Variants in GRHL2 observed in about 807,000 individuals in gnomAD.
The protein encoded by GRHL2 is grainyhead-like protein 2 homolog.
In GRHL2, 21 loss-of-function variants were observed where a neutral mutation model predicts 83.8. That is an observed-to-expected ratio of 0.25 (90% CI 0.18 to 0.36). The LOEUF (loss-of-function observed/expected upper bound fraction) is 0.36. GRHL2 is among the 10% of genes least tolerant of loss of function. The pLI, the probability that GRHL2 is intolerant of heterozygous loss-of-function variation, is 1.00. For missense variants in GRHL2, 623 were observed against 781.8 expected (o/e 0.80, Z 2.42); for synonymous variants, 280 against 278.9 (o/e 1.00, Z -0.04).
chr8:101,570,269 C>A, intron 4 of GRHL2, 70 bp from the exon 5 acceptor site: 2 of 1,140,876 alleles, frequency 1.8e-6, no homozygotes, highest in Non-Finnish European at 2.7e-6. Context: ...AGTTTGGATA[C>A]ATTTATTATT....
intron 7 of GRHL2, among the ~76,000 whole-genome samples, chr8:101,594,954 A>G (rs1812361322): frequency 6.6e-6 from 1 of 152,242 alleles, no homozygotes; most frequent in Non-Finnish European, 1.5e-5. Context: ...ATACAAGGTA[A>G]TGGAACCACC....
At chr8:101,578,362 G>A (rs1415570134) in intron 7 of GRHL2, among the ~76,000 whole-genome samples, 3 of 152,120 alleles carry the variant, frequency 2.0e-5, no homozygotes, top group Non-Finnish European at 2.9e-5. Flanking sequence ...AGTGCCAAGA[G>A]GGAGGAGAAG....
chr8:101,578,132 A>G (rs16867846), intron 7 of GRHL2, among the ~76,000 whole-genome samples: 45,155 of 152,068 alleles, frequency 0.3, 6,824 homozygotes, highest in South Asian at 0.44. Flanking sequence ...CTGGAAGGCA[A>G]CACTCATGCC....
Position 101,667,705 on chromosome 8 carries a change from A to AC in GRHL2, c.*1006dup, listed in dbSNP as rs1461473938. ...CGTGGGAAAGGTCATTCTGTCTGAGACCCCAGCTCCTTCTCCAGCTTTGGC... is the reference window on the plus strand; with the variant it reads ...CGTGGGAAAGGTCATTCTGTCTGAGACCCCCAGCTCCTTCTCCAGCTTTGGC... On this transcript the variant is annotated 3_prime_UTR_variant, in exon 16 of 16. Coordinates refer to ENST00000646743, the MANE Select transcript of GRHL2 (RefSeq NM_024915.4). The AC allele has an allele frequency of 1.3e-5, 2 of 152,494 alleles. No homozygotes were observed. The highest frequency in any genetic ancestry group is 3.9e-4 in the East Asian group (2 of 5,178). 9.4% of individuals were successfully genotyped at this position (152,494 alleles called of 1,614,324 possible). A position where few individuals can be genotyped will look rare whatever the true frequency, so the allele number is the denominator to read the frequency against.
intron 8 of GRHL2, among the ~76,000 whole-genome samples, chr8:101,612,981 G>A (rs570835972): frequency 2.6e-5 from 4 of 150,970 alleles, no homozygotes; most frequent in Admixed American, 2.6e-4. Context: ...CTGTGCCACT[G>A]GTCAGGGGCC....
chr8:101,565,327 T>C (rs186974874), intron 4 of GRHL2, among the ~76,000 whole-genome samples: 1 of 152,296 alleles, frequency 6.6e-6, no homozygotes, highest in Admixed American at 6.5e-5. Context: ...ATAATCATAA[T>C]AAATCAAAAT....
chr8:101,532,341 A>AT (rs1174188117), intron 1 of GRHL2, among the ~76,000 whole-genome samples: 2 of 152,158 alleles, frequency 1.3e-5, no homozygotes, highest in Admixed American at 6.5e-5. Context: ...GAATATGGTC[A>AT]TTTTTCTGCT....
chr8:101,618,301 C>A (rs368831701), intron 8 of GRHL2, among the ~76,000 whole-genome samples: 2 of 152,068 alleles, frequency 1.3e-5, no homozygotes, highest in East Asian at 3.8e-4. Context: ...ATTTTTAGTT[C>A]TTTTGTTGGT....
At chr8:101,648,543 C>A (rs1292150438) in intron 13 of GRHL2, among the ~76,000 whole-genome samples, 1 of 152,112 alleles carries the variant, frequency 6.6e-6, no homozygotes, top group African/African-American at 2.4e-5. Context: ...CTCTGCGAGG[C>A]AGATGTTATT....
chr8:101,546,390 C>A (rs779473615), intron 2 of GRHL2, among the ~76,000 whole-genome samples: 2 of 150,946 alleles, frequency 1.3e-5, no homozygotes, highest in Non-Finnish European at 2.9e-5. Flanking sequence ...AGAAGCATAT[C>A]CTGAAACAAA....
At chr8:101,644,586 T>C (rs117937767) in intron 13 of GRHL2, among the ~76,000 whole-genome samples, 1,765 of 152,292 alleles carry the variant, frequency 0.012, 12 homozygotes, top group Middle Eastern at 0.024. Context: ...AAACTATTCA[T>C]CTCACCCAAA....
chr8:101,617,796 C>T (rs534396808), intron 8 of GRHL2, among the ~76,000 whole-genome samples: 11 of 152,248 alleles, frequency 7.2e-5, no homozygotes, highest in Admixed American at 1.3e-4. Context: ...TGAGCCACCA[C>T]GCCCGGCTGA....
chr8:101,652,336 TGTGTATG>T (rs1813645924), intron 14 of GRHL2, among the ~76,000 whole-genome samples: 1 of 103,130 alleles, frequency 9.7e-6, no homozygotes, highest in Non-Finnish European at 1.8e-5. Flanking sequence ...GTGTGGTGTG[TGTGTATG>T]TGTGTGGTGT....
At chr8:101,604,320 G>A (rs533331752) in intron 8 of GRHL2, among the ~76,000 whole-genome samples, 1 of 152,284 alleles carries the variant, frequency 6.6e-6, no homozygotes, top group South Asian at 2.1e-4. Context: ...CTGGCACCGA[G>A]CACTGCCTTT....
intron 9 of GRHL2, among the ~76,000 whole-genome samples, chr8:101,625,631 G>A (rs972800280): frequency 1.3e-5 from 2 of 151,970 alleles, no homozygotes; most frequent in Non-Finnish European, 2.9e-5. Context: ...TAAATGGTTG[G>A]GAGAACCACT....
chr8:101,623,791 GACAGTACACAGTAGGACAGTTT>G (rs1262629857), intron 9 of GRHL2, among the ~76,000 whole-genome samples: 2 of 150,990 alleles, frequency 1.3e-5, no homozygotes, highest in African/African-American at 4.9e-5. Flanking sequence ...TACACAGTAT[GACAGTACACAGTAGGACAGTTT>G]ACAGTACACA....
At chr8:101,636,210 A>G (rs1048866624) in intron 11 of GRHL2, among the ~76,000 whole-genome samples, 2 of 152,244 alleles carry the variant, frequency 1.3e-5, no homozygotes, top group African/African-American at 2.4e-5. Context: ...AGGATGCTTC[A>G]TAATTTCTTT....
chr8:101,548,976 G>C (rs1402108001), intron 2 of GRHL2, among the ~76,000 whole-genome samples: 1 of 152,128 alleles, frequency 6.6e-6, no homozygotes, highest in Non-Finnish European at 1.5e-5. Context: ...TTGATCAATT[G>C]ATTCTTTCAA....
chr8:101,619,749 C>T, intron 9 of GRHL2, 52 bp downstream of exon 9: 4 of 1,349,930 alleles, frequency 3.0e-6, no homozygotes, highest in Non-Finnish European at 4.2e-6. Flanking sequence ...TTAGATATTA[C>T]TTTTAATGGC....
Sources: allele counts gnomAD v4.1 joint callset (sites outside exome capture counted in the v4.1 genomes callset), GRCh38; gene constraint gnomAD v4.1.1; transcripts MANE v1.5; gene names NCBI Gene and HGNC (gene_info 2026-07-23, HGNC 2026-07-21).